GPRIN1: variants seen among roughly 807,000 people sequenced by gnomAD.
The protein encoded by GPRIN1 is G protein regulated inducer of neurite outgrowth 1.
GPRIN1 carries 4 observed loss-of-function variants against 2.8 expected under a neutral mutation model. The observed-to-expected ratio is 1.45, with a 90% CI of 0.71 to 3.32. The LOEUF (loss-of-function observed/expected upper bound fraction) is 3.32. Ranked by LOEUF, GPRIN1 falls within the 30% of genes most tolerant of loss-of-function variation. The pLI, the probability that GPRIN1 is intolerant of heterozygous loss-of-function variation, is 0.01. For synonymous variants in GPRIN1, 589 were observed against 589.9 expected (o/e 1.00, Z 0.02); for missense variants, 1,322 against 1,343.4 (o/e 0.98, Z 0.25).
rs757802572 is a variant in GPRIN1, at chr5:176,599,695, G to C, written c.140C>G (p.Pro47Arg). The C allele has an allele frequency of 6.4e-7, 1 of 1,573,106 alleles. No individual in the cohort carries two copies. The part of the protein sequence containing the change: ...AGSSAMRDYC[P>R]SQQKASPAPP... Reference sequence around the variant, plus strand: ...TGCAGGGCTTGCCTTTTGCTGGGAGGGGCAGTAATCCCTCATAGCCGAGCT... The same window carrying C: ...TGCAGGGCTTGCCTTTTGCTGGGAGCGGCAGTAATCCCTCATAGCCGAGCT... Residue 47 changes from proline (P) to arginine (R), a missense_variant, in exon 2 of 2, where the codon CCC becomes CGC. Physicochemically the swap from Pro to Arg is moderately radical, Grantham distance 103. Coordinates refer to ENST00000303991, the MANE Select transcript of GPRIN1 (RefSeq NM_052899.3).
In GPRIN1 at chr5:176,599,486, T is replaced by C. The variant is rs1759113462; in HGVS notation, c.349A>G (p.Ile117Val). 2 of 1,612,920 alleles carry C rather than the reference T, an allele frequency of 1.2e-6. No homozygotes were observed. The highest frequency in any genetic ancestry group is 1.7e-6 in the Non-Finnish European group (2 of 1,179,322). Residue 117 changes from isoleucine to valine, a missense_variant, in exon 2 of 2, where the codon ATC becomes GTC. Ile to Val is a conservative substitution (Grantham distance 29, BLOSUM62 3). This residue lies in a region of GPRIN1 where 1,117 missense variants were observed against 1,128.6 expected (regional missense o/e 0.99). Coordinates refer to ENST00000303991, the MANE Select transcript of GPRIN1 (RefSeq NM_052899.3). ...GTGGTGGCTTCTGGTGTCCCTGAGATGGAGGCTCCATGTGCCTCCAATGTC... is the reference window on the plus strand; with the variant it reads ...GTGGTGGCTTCTGGTGTCCCTGAGACGGAGGCTCCATGTGCCTCCAATGTC... ...KETLEAHGAS[I>V]SGTPEATTSG... is the part of the protein sequence containing the mutation.
In GPRIN1 at chr5:176,599,246, C is replaced by T. The variant is rs754953948; in HGVS notation, c.589G>A (p.Ala197Thr). 1 of 1,613,808 alleles carries T rather than the reference C, an allele frequency of 6.2e-7. No homozygotes were observed. The highest frequency in any genetic ancestry group is 1.1e-5 in the South Asian group (1 of 91,062). ...PEILGKGDPV[A>T]PGRMDPMTVR... ...GTCATGGGATCCATCCTTCCAGGAG[C>T]CACAGGATCCCCCTTTCCCAAGATT... Residue 197 changes from alanine (A) to threonine (T), a missense_variant, in exon 2 of 2, where the codon GCT becomes ACT. By Grantham distance (58) the Ala-to-Thr change is moderately conservative (BLOSUM62 0). Coordinates refer to ENST00000303991, the MANE Select transcript of GPRIN1 (RefSeq NM_052899.3).
intron 1 of GPRIN1, 95 bp from the exon 2 acceptor site, chr5:176,599,972 C>T (rs1759123119): frequency 6.4e-6 from 5 of 785,838 alleles, no homozygotes; most frequent in Non-Finnish European, 9.0e-6. Flanking sequence ...TGTGTCCCAT[C>T]TGGTCCCCAC....
chr5:176,607,686 G>T (rs1412382282), intron 1 of GPRIN1, among the ~76,000 whole-genome samples: 1 of 151,898 alleles, frequency 6.6e-6, no homozygotes, highest in East Asian at 1.9e-4. Context: ...AATCTCATGA[G>T]GGGGGCATTA....
chr5:176,601,192 G>A (rs1412086970), intron 1 of GPRIN1, among the ~76,000 whole-genome samples: 2 of 152,222 alleles, frequency 1.3e-5, no homozygotes, highest in African/African-American at 4.8e-5. Flanking sequence ...AGTCAAGGAA[G>A]GGACATAGTC....
chr5:176,605,301 G>A (rs1178303119), intron 1 of GPRIN1, among the ~76,000 whole-genome samples: 1 of 151,820 alleles, frequency 6.6e-6, no homozygotes, highest in Non-Finnish European at 1.5e-5. Flanking sequence ...CACCGTGTTG[G>A]CCAGGGTGGT....
chr5:176,607,105 G>T (rs1366669755), intron 1 of GPRIN1, among the ~76,000 whole-genome samples: 1 of 152,226 alleles, frequency 6.6e-6, no homozygotes, highest in African/African-American at 2.4e-5. Flanking sequence ...TCTGTGAAAT[G>T]GGAGAGGGGA....
chr5:176,600,634 C>T (rs12654496), intron 1 of GPRIN1, among the ~76,000 whole-genome samples: 3 of 152,132 alleles, frequency 2.0e-5, no homozygotes, highest in South Asian at 4.1e-4. Flanking sequence ...AAAGGGATGG[C>T]CGGGTGCGGC....
At chr5:176,600,783 GTGCA>G (rs1759134979) in intron 1 of GPRIN1, among the ~76,000 whole-genome samples, 1 of 152,104 alleles carries the variant, frequency 6.6e-6, no homozygotes, top group African/African-American at 2.4e-5. Context: ...AGGTGTGGTG[GTGCA>G]CGCCTGTAAT....
chr5:176,607,633 T>G (rs567029353), intron 1 of GPRIN1, among the ~76,000 whole-genome samples: 1 of 152,174 alleles, frequency 6.6e-6, no homozygotes, highest in African/African-American at 2.4e-5. Context: ...CATGAGCCAC[T>G]GCACCCGGTC....
intron 1 of GPRIN1, among the ~76,000 whole-genome samples, chr5:176,606,453 T>C (rs1199592587): frequency 6.6e-6 from 1 of 152,168 alleles, no homozygotes; most frequent in African/African-American, 2.4e-5. Flanking sequence ...TTCTAAACAT[T>C]AGAAGATTTC....
intron 1 of GPRIN1, among the ~76,000 whole-genome samples, chr5:176,607,993 A>T (rs1177306706): frequency 7.4e-6 from 1 of 135,068 alleles, no homozygotes; most frequent in East Asian, 2.2e-4. Flanking sequence ...TGACACAATC[A>T]TACCTCCCTG....
chr5:176,609,788 G>A (rs995359907), intron 1 of GPRIN1, among the ~76,000 whole-genome samples: 2 of 25,760 alleles, frequency 7.8e-5, no homozygotes, highest in Non-Finnish European at 1.8e-4. Flanking sequence ...GCCCCGCCCC[G>A]CCCCGCCCCG....
intron 1 of GPRIN1, among the ~76,000 whole-genome samples, chr5:176,606,663 TG>T (rs1759224764): frequency 6.6e-6 from 1 of 152,148 alleles, no homozygotes; most frequent in South Asian, 2.1e-4. Flanking sequence ...CCATCAATCA[TG>T]GAATTCTCAC....
rs146804361 is a variant in GPRIN1 at position 176,601,339 on chromosome 5, C to T, written c.-43-1462G>A. Among the ~76,000 whole-genome samples the T allele has an allele frequency of 3.4e-3, 516 of 152,292 alleles. 3 individuals carry two copies. Among genetic ancestry groups the T allele is most frequent in the African/African-American group, 0.012 (486 of 41,550 alleles). Reference sequence around the variant, plus strand: ...TCATCCATTTAATCCTTCATTCATTCACCTAGCCCCTTCTCTGCAACAGGC... The same window carrying T: ...TCATCCATTTAATCCTTCATTCATTTACCTAGCCCCTTCTCTGCAACAGGC... On this transcript the variant is annotated intron_variant, in intron 1 of 1. Transcript: ENST00000303991.
At position 176,598,703 on chromosome 5, in the gene GPRIN1, C is replaced by G. The variant is rs1388212528; in HGVS notation, c.1132G>C (p.Asp378His). The stretch of plus-strand genomic sequence containing the variant: ...CGCCCCTCTCCTGAGGAGGCAGGGT[C>G]CATCTTTCCCAGGAACCGGGAGTCC... The part of the protein sequence containing the change: ...KEDSRFLGKM[D>H]PASSGEGRPV... The change falls in exon 2 of 2, where the codon GAC (aspartate) becomes CAC (histidine). Residue 378 changes from aspartate (D) to histidine (H), a missense_variant. By Grantham distance (81) the Asp-to-His change is moderately conservative. This residue lies in a region of GPRIN1 where 1,117 missense variants were observed against 1,128.6 expected (regional missense o/e 0.99). Transcript: ENST00000303991. 18 of 1,614,070 alleles carry G rather than the reference C, an allele frequency of 1.1e-5. No homozygotes were observed. Among genetic ancestry groups the G allele is most frequent in the Non-Finnish European group, 1.1e-5 (13 of 1,180,030 alleles).
In GPRIN1 at chr5:176,599,946, C is replaced by G. The variant is rs1017673191; in HGVS notation, c.-43-69G>C. ...GGGGGAGGAGACTCTGCCTTCTCCCCTTCCTCACTGAGTGCTGTGTCCCAT... is the reference window on the plus strand; with the variant it reads ...GGGGGAGGAGACTCTGCCTTCTCCCGTTCCTCACTGAGTGCTGTGTCCCAT... On this transcript the variant is annotated intron_variant, in intron 1 of 1. Coordinates refer to ENST00000303991, the MANE Select transcript of GPRIN1 (RefSeq NM_052899.3). The G allele has an allele frequency of 6.5e-6, 7 of 1,073,364 alleles. No individual in the cohort carries two copies. In the African/African-American group the frequency reaches 1.1e-4, roughly 17 times the overall value. 66.5% of individuals were successfully genotyped at this position (1,073,364 alleles called of 1,614,324 possible).
At chr5:176,600,278 C>A (rs1361072934) in intron 1 of GPRIN1, among the ~76,000 whole-genome samples, 1 of 152,160 alleles carries the variant, frequency 6.6e-6, no homozygotes, top group African/African-American at 2.4e-5. Context: ...AGGCATGCGC[C>A]ACCACGCCCA....
intron 1 of GPRIN1, among the ~76,000 whole-genome samples, chr5:176,604,202 A>T: frequency 6.6e-6 from 1 of 152,202 alleles, no homozygotes; most frequent in East Asian, 1.9e-4. Context: ...GTGAAGACAA[A>T]GGAGTGGGCA....
Sources: allele counts gnomAD v4.1 joint callset (sites outside exome capture counted in the v4.1 genomes callset), GRCh38; gene constraint gnomAD v4.1.1; regional missense constraint gnomAD v4.1.1; transcripts MANE v1.5; gene names NCBI Gene and HGNC (gene_info 2026-07-23, HGNC 2026-07-21).